Variants in CHMP4B observed in about 807,000 individuals in gnomAD.
CHMP4B encodes the protein SNF7 homolog associated with Alix 1.
A neutral mutation model predicts 25.1 loss-of-function variants in CHMP4B; 1 was observed. That is an observed-to-expected ratio of 0.04 (90% CI 0.01 to 0.19). The LOEUF (loss-of-function observed/expected upper bound fraction) is 0.19, where lower values mean the gene tolerates loss of function less well. Ranked by LOEUF, CHMP4B falls within the 10% of genes least tolerant of loss-of-function variation. The pLI, the probability that CHMP4B is intolerant of heterozygous loss-of-function variation, is 1.00. For synonymous variants in CHMP4B, 101 were observed against 115.6 expected, an observed-to-expected ratio of 0.87 and a Z score of 0.81; for missense variants, 151 against 289.7, an observed-to-expected ratio of 0.52 and a Z score of 3.48.
intron 1 of CHMP4B, among the ~76,000 whole-genome samples, chr20:33,813,413 C>T (rs913477216): frequency 6.6e-6 from 1 of 151,932 alleles, no homozygotes; most frequent in African/African-American, 2.4e-5. Flanking sequence ...TTTAAAACAT[C>T]ATCTGGCTGC....
chr20:33,829,443 C>T (rs1167791393), intron 1 of CHMP4B, among the ~76,000 whole-genome samples: 1 of 152,176 alleles, frequency 6.6e-6, no homozygotes, highest in African/African-American at 2.4e-5. Flanking sequence ...ACACTTCCCT[C>T]CCTTTCTTTG....
intron 1 of CHMP4B, among the ~76,000 whole-genome samples, chr20:33,818,007 A>G (rs1978829758): frequency 6.6e-6 from 1 of 152,220 alleles, no homozygotes; most frequent in Non-Finnish European, 1.5e-5. Context: ...GTAGTTACTT[A>G]TATTTCTCTG....
chr20:33,815,405 T>C (rs1160733503), intron 1 of CHMP4B, among the ~76,000 whole-genome samples: 3 of 152,090 alleles, frequency 2.0e-5, no homozygotes, highest in Admixed American at 6.6e-5. Context: ...CAAAAGAGAC[T>C]TGGTGATTTG....
chr20:33,822,371 C>A (rs1047927704), intron 1 of CHMP4B, among the ~76,000 whole-genome samples: 1 of 152,200 alleles, frequency 6.6e-6, no homozygotes, highest in African/African-American at 2.4e-5. Flanking sequence ...TCTCGAACTC[C>A]TGACCTCAGG....
chr20:33,820,773 G>T (rs1444658912), intron 1 of CHMP4B, among the ~76,000 whole-genome samples: 3 of 152,146 alleles, frequency 2.0e-5, no homozygotes, highest in Non-Finnish European at 2.9e-5. Context: ...ATGAGTGCTT[G>T]AAACTTTAAA....
At chr20:33,846,144 G>A (rs1979684222) in intron 1 of CHMP4B, among the ~76,000 whole-genome samples, 1 of 152,140 alleles carries the variant, frequency 6.6e-6, no homozygotes, top group African/African-American at 2.4e-5. Flanking sequence ...ATTAAGTGGG[G>A]GGCATAACAT....
chr20:33,841,481 C>CA (rs1359529388), intron 1 of CHMP4B, among the ~76,000 whole-genome samples: 1 of 152,182 alleles, frequency 6.6e-6, no homozygotes, highest in East Asian at 1.9e-4. Flanking sequence ...TGCAGGTGAG[C>CA]CTGCGACAGT....
chr20:33,832,940 G>A (rs1979295487), intron 1 of CHMP4B, among the ~76,000 whole-genome samples: 1 of 140,450 alleles, frequency 7.1e-6, no homozygotes, highest in Admixed American at 7.5e-5. Context: ...CACCATGCCT[G>A]GCTAATTAAA....
rs75146511 is a variant in CHMP4B at position 33,850,567 on chromosome 20, G to A, written c.369-385G>A. Among the ~76,000 whole-genome samples, 1,209 of 152,326 alleles carry A rather than the reference G, an allele frequency of 7.9e-3. 11 individuals are homozygous for A. The highest frequency in any genetic ancestry group is 0.027 in the African/African-American group (1,138 of 41,568). The stretch of plus-strand genomic sequence containing the variant: ...AGATGGAAGGCCCATTAGACAGCAT[G>A]GCTGTCTTCTGTGATTTGTGCTTTT... On this transcript the variant is annotated intron_variant, in intron 2 of 4. Transcript: ENST00000217402.
At chr20:33,842,005 C>T (rs546129326) in intron 1 of CHMP4B, among the ~76,000 whole-genome samples, 4 of 152,130 alleles carry the variant, frequency 2.6e-5, no homozygotes, top group Non-Finnish European at 5.9e-5. Flanking sequence ...CTGTGCACTG[C>T]GGGGTCCTGG....
chr20:33,849,190 CT>C (rs1979770912), intron 2 of CHMP4B, among the ~76,000 whole-genome samples: 1 of 152,216 alleles, frequency 6.6e-6, no homozygotes, highest in African/African-American at 2.4e-5. Context: ...CCTTCTTCCC[CT>C]ATATGGCTAC....
chr20:33,834,297 T>C (rs1011911556), intron 1 of CHMP4B, among the ~76,000 whole-genome samples: 15 of 152,158 alleles, frequency 9.9e-5, no homozygotes, highest in African/African-American at 3.4e-4. Context: ...TGGATTTTGT[T>C]TGCCCTTTAT....
intron 2 of CHMP4B, among the ~76,000 whole-genome samples, chr20:33,850,703 G>A (rs1048950497): frequency 2.0e-5 from 3 of 152,242 alleles, no homozygotes; most frequent in Non-Finnish European, 4.4e-5. Context: ...GTAGGACCTT[G>A]ATAGTGCCAC....
intron 1 of CHMP4B, among the ~76,000 whole-genome samples, chr20:33,848,128 C>A (rs1017904787): frequency 6.6e-6 from 1 of 152,078 alleles, no homozygotes; most frequent in Non-Finnish European, 1.5e-5. Context: ...CCAAGTAGCT[C>A]ACCTGAGTCT....
intron 1 of CHMP4B, among the ~76,000 whole-genome samples, chr20:33,836,451 A>C (rs1470670812): frequency 6.6e-6 from 1 of 151,932 alleles, no homozygotes; most frequent in African/African-American, 2.4e-5. Flanking sequence ...AAGGCCCTCC[A>C]AGAAGAATTA....
intron 1 of CHMP4B, among the ~76,000 whole-genome samples, chr20:33,846,780 A>G (rs1038672216): frequency 2.0e-5 from 3 of 152,118 alleles, no homozygotes; most frequent in African/African-American, 7.2e-5. Flanking sequence ...ACTCCAGGAC[A>G]TGGGGGAGTG....
rs1979365821 is a variant in CHMP4B, at chr20:33,835,407, T to G, written c.191-13060T>G. Among the ~76,000 whole-genome samples the G allele has an allele frequency of 3.3e-5, 5 of 152,332 alleles. No homozygotes were observed. The South Asian group carries it at 1.0e-3, about 32-fold the overall frequency. On this transcript the variant is annotated intron_variant, in intron 1 of 4. Transcript: ENST00000217402. ...AAGTGGAAAATTTTTGGCCGTTATT[T>G]CTTGAAATGTTTATTCACCTGCCCT...
chr20:33,843,243 C>T (rs1979593134), intron 1 of CHMP4B, among the ~76,000 whole-genome samples: 1 of 152,176 alleles, frequency 6.6e-6, no homozygotes, highest in Admixed American at 6.5e-5. Flanking sequence ...TTTGCTTCAG[C>T]TTTCACAGCC....
chr20:33,830,930 A>G (rs529257094), intron 1 of CHMP4B, among the ~76,000 whole-genome samples: 2 of 68,556 alleles, frequency 2.9e-5, no homozygotes, highest in South Asian at 5.3e-4. Context: ...TCAAAGGAAC[A>G]GAGTTTTTTT....
Sources: allele counts gnomAD v4.1 joint callset (sites outside exome capture counted in the v4.1 genomes callset), GRCh38; gene constraint gnomAD v4.1.1; transcripts MANE v1.5; gene names NCBI Gene and HGNC (gene_info 2026-07-23, HGNC 2026-07-21).